Variants in NRDE2 observed in about 807,000 individuals in gnomAD.
The protein encoded by NRDE2 is nuclear exosome regulator NRDE2.
A neutral mutation model predicts 124.2 loss-of-function variants in NRDE2; 76 were observed. The observed-to-expected ratio is 0.61, with a 90% confidence interval of 0.51 to 0.74. The LOEUF (loss-of-function observed/expected upper bound fraction) is 0.74. Among genes scored for constraint, NRDE2 ranks in the 30% least tolerant of loss-of-function variants. The pLI is 0.00. For missense variants in NRDE2, 1,314 were observed against 1,417.3 expected, an observed-to-expected ratio of 0.93 and a Z score of 1.17; for synonymous variants, 489 against 528.1, an observed-to-expected ratio of 0.93 and a Z score of 1.01.
chr14:90,287,447 G>A (rs905483710), intron 11 of NRDE2, among the ~76,000 whole-genome samples: 8 of 151,670 alleles, frequency 5.3e-5, no homozygotes, highest in East Asian at 1.9e-4. Flanking sequence ...GCAAAACCCC[G>A]TCTCTACAAA....
chr14:90,288,186 G>A (rs753642420), intron 11 of NRDE2, 31 bp downstream of exon 11: 38 of 1,577,894 alleles, frequency 2.4e-5, no homozygotes, highest in Non-Finnish European at 3.1e-5. Flanking sequence ...AAACATTTGC[G>A]GGGCACACGA....
At chr14:90,308,951 A>G (rs970991665) in intron 4 of NRDE2, among the ~76,000 whole-genome samples, 6 of 152,100 alleles carry the variant, frequency 3.9e-5, no homozygotes, top group African/African-American at 1.4e-4. Flanking sequence ...TTAAGAGCCA[A>G]TAACCCACAG....
chr14:90,300,735 G>C (rs1884362323), intron 7 of NRDE2, among the ~76,000 whole-genome samples: 1 of 147,768 alleles, frequency 6.8e-6, no homozygotes, highest in Non-Finnish European at 1.5e-5. Flanking sequence ...AACTGAGGAA[G>C]TGATGCAAGA....
chr14:90,306,683 G>A (rs972584273), intron 4 of NRDE2, among the ~76,000 whole-genome samples: 1 of 151,950 alleles, frequency 6.6e-6, no homozygotes, highest in African/African-American at 2.4e-5. Flanking sequence ...GGTGGCACAC[G>A]ACTGTAATCC....
In NRDE2 at chr14:90,272,212, A is replaced by G. The variant is rs1891687879; in HGVS notation, c.*6124T>C. 6.3e-7 allele frequency: 1 copy of G among 1,581,212 alleles called. No individual in the cohort carries two copies. Among genetic ancestry groups the G allele is most frequent in the Non-Finnish European group, 8.6e-7 (1 of 1,167,788 alleles). The stretch of plus-strand genomic sequence containing the variant: ...CCTGGCCTCAGAATAGGTTTTTTGG[A>G]ATTCCTTGTTAGAATAAAAATGAGT... On this transcript the variant is annotated 3_prime_UTR_variant, in exon 14 of 14. Transcript: ENST00000354366. This position sits in a 1 kb window ranked among gnomAD's most constrained non-coding sequence, Gnocchi z 4.5.
In NRDE2 at chr14:90,301,327, G is replaced by C; in HGVS notation, c.1457C>G (p.Ser486Cys). Residue 486 changes from serine (S) to cysteine (C), a missense_variant, in exon 7 of 14, where the codon TCT (serine) becomes TGT (cysteine). By Grantham distance (112) the Ser-to-Cys change is moderately radical (BLOSUM62 -1). Coordinates refer to ENST00000354366, the MANE Select transcript of NRDE2 (RefSeq NM_017970.4). ...QCHFLRQAGH[S>C]EKAISLFQAM... ...CTGGAACAATGAGATGGCCTTCTCA[G>C]AGTGGCCAGCCTGCCGCAGAAAGTG... 1 of 1,613,800 alleles carries C rather than the reference G, an allele frequency of 6.2e-7. No individual in the cohort carries two copies. The highest frequency in any genetic ancestry group is 1.7e-4 in the Middle Eastern group (1 of 6,060).
At chr14:90,325,626 A>G (rs1187247995) in intron 1 of NRDE2, among the ~76,000 whole-genome samples, 1 of 152,124 alleles carries the variant, frequency 6.6e-6, no homozygotes, top group Non-Finnish European at 1.5e-5. Flanking sequence ...CCCAGGCTCA[A>G]GCAATCCTCC....
chr14:90,285,491 G>A (rs965091635), intron 12 of NRDE2, among the ~76,000 whole-genome samples: 6 of 151,824 alleles, frequency 4.0e-5, no homozygotes, highest in African/African-American at 1.4e-4. Context: ...TAGTAGAGAC[G>A]GGGTTTCGCC....
Position 90,272,178 on chromosome 14 carries a change from G to A in NRDE2, c.*6158C>T. 1 of 1,414,870 alleles carries A rather than the reference G, an allele frequency of 7.1e-7. No individual in the cohort carries two copies. Among genetic ancestry groups the A allele is most frequent in the Non-Finnish European group, 9.6e-7 (1 of 1,037,980 alleles). The allele number at this position is 1,414,870 out of a possible 1,614,324, so 87.6% of individuals were successfully genotyped here. ...CAGAGTGCTGGGATTACAGGTGTGA[G>A]CCACCGCGCCTGGCCTCAGAATAGG... is the stretch of plus-strand genomic sequence containing the variant. On this transcript the variant is annotated 3_prime_UTR_variant, in exon 14 of 14. Transcript: ENST00000354366. This position sits in a 1 kb window ranked among gnomAD's most constrained non-coding sequence, Gnocchi z 4.5.
intron 8 of NRDE2, among the ~76,000 whole-genome samples, chr14:90,296,113 G>A (rs980560746): frequency 5.3e-5 from 8 of 152,282 alleles, no homozygotes; most frequent in Admixed American, 2.6e-4. Context: ...ACAGCAAACC[G>A]TGTAACAGAT....
At chr14:90,330,171 C>A (rs1885617311) in intron 1 of NRDE2, among the ~76,000 whole-genome samples, 1 of 145,566 alleles carries the variant, frequency 6.9e-6, no homozygotes, top group African/African-American at 2.6e-5. Context: ...CGTACAATTA[C>A]ACTCCAGCTT....
intron 3 of NRDE2, among the ~76,000 whole-genome samples, chr14:90,316,021 A>G (rs977019121): frequency 2.6e-5 from 4 of 151,958 alleles, no homozygotes; most frequent in Non-Finnish European, 5.9e-5. Context: ...AAAGCCCCCA[A>G]GGAATGGAAA....
intron 1 of NRDE2, 112 bp downstream of exon 1, chr14:90,331,729 A>T (rs1885709090): frequency 8.3e-7 from 1 of 1,211,342 alleles, no homozygotes; most frequent in African/African-American, 1.5e-5. Context: ...CGCCGCGGAG[A>T]ACTCTGGGAT....
chr14:90,328,809 T>A (rs1382997269), intron 1 of NRDE2, among the ~76,000 whole-genome samples: 1 of 152,212 alleles, frequency 6.6e-6, no homozygotes, highest in Non-Finnish European at 1.5e-5. Context: ...AATGACACGG[T>A]TTCCTCAACA....
intron 1 of NRDE2, among the ~76,000 whole-genome samples, chr14:90,328,778 G>C (rs1435953204): frequency 6.6e-6 from 1 of 152,214 alleles, no homozygotes; most frequent in Admixed American, 6.5e-5. Flanking sequence ...TGAGGATTTG[G>C]TGGGAAACAT....
intron 4 of NRDE2, among the ~76,000 whole-genome samples, chr14:90,311,881 C>T (rs78886799): frequency 0.026 from 3,901 of 152,076 alleles, 158 homozygotes; most frequent in African/African-American, 0.088. Flanking sequence ...TTTTTGATTG[C>T]CAAATTAGAG....
intron 9 of NRDE2, among the ~76,000 whole-genome samples, chr14:90,291,816 C>G (rs1418621980): frequency 6.6e-6 from 1 of 151,930 alleles, no homozygotes; most frequent in Non-Finnish European, 1.5e-5. Context: ...CTGCCCAGAG[C>G]AGATGCTCCG....
rs764123197 is a variant in NRDE2, at chr14:90,304,330, T to C, written c.610A>G (p.Ile204Val). Reference protein sequence around the residue: ...CLGINPKKQCISWEGTSTEKK... With the variant: ...CLGINPKKQCVSWEGTSTEKK... ...TCTGTGGAAGTCCCTTCCCAAGATA[T>C]GCACTGCTTCTTAGGGTTAATGCCA... is the stretch of plus-strand genomic sequence containing the variant. Residue 204 changes from isoleucine (I) to valine (V), a missense_variant, in exon 5 of 14, where the codon ATA (isoleucine) becomes GTA (valine). Transcript: ENST00000354366. 8 of 1,614,018 alleles carry C rather than the reference T, an allele frequency of 5.0e-6. No homozygotes were observed. The highest frequency in any genetic ancestry group is 2.2e-5 in the East Asian group (1 of 44,894).
In NRDE2 at chr14:90,278,255, A is replaced by T; in HGVS notation, c.*81T>A. The T allele has an allele frequency of 1.3e-6, 2 of 1,553,342 alleles. No individual in the cohort carries two copies. The highest frequency in any genetic ancestry group is 1.8e-6 in the Non-Finnish European group (2 of 1,129,408). The stretch of plus-strand genomic sequence containing the variant: ...TTCAAAAGCCGAGTTCTCCTAACAC[A>T]CACGTTCTCTGCTCGCGCCTCCTAG... On this transcript the variant is annotated 3_prime_UTR_variant, in exon 14 of 14. Coordinates refer to ENST00000354366, the MANE Select transcript of NRDE2 (RefSeq NM_017970.4).
Sources: allele counts gnomAD v4.1 joint callset (sites outside exome capture counted in the v4.1 genomes callset), GRCh38; gene constraint gnomAD v4.1.1; non-coding constraint Gnocchi (gnomAD v3.1); transcripts MANE v1.5; gene names NCBI Gene and HGNC (gene_info 2026-07-23, HGNC 2026-07-21).